The following SDHAF4 variants were observed in gnomAD, a reference collection of about 807,000 sequenced individuals.
SDHAF4 encodes succinate dehydrogenase assembly factor 4, mitochondrial.
SDHAF4 carries 14 observed loss-of-function variants against 14.3 expected under a neutral mutation model. That is an observed-to-expected ratio of 0.98 (90% CI 0.65 to 1.53). The LOEUF (loss-of-function observed/expected upper bound fraction) is 1.53. Ranked by LOEUF, SDHAF4 falls within the 40% of genes most tolerant of loss-of-function variation. The pLI is 0.00. For missense variants in SDHAF4, 141 were observed against 129.3 expected (o/e 1.09, Z -0.44); for synonymous variants, 63 against 47.3 (o/e 1.33, Z -1.36).
chr6:70,575,344 C>T (rs1377204959), intron 1 of SDHAF4, among the ~76,000 whole-genome samples: 1 of 151,912 alleles, frequency 6.6e-6, no homozygotes, highest in Non-Finnish European at 1.5e-5. Flanking sequence ...TGCCACTGCA[C>T]TCCAGCCTGG....
intron 1 of SDHAF4, among the ~76,000 whole-genome samples, chr6:70,572,665 TG>T (rs1223500445): frequency 6.6e-6 from 1 of 152,132 alleles, no homozygotes; most frequent in Non-Finnish European, 1.5e-5. Context: ...TTTTTAAACA[TG>T]CAAATGGTGC....
chr6:70,585,674 A>G (rs1416717114), intron 2 of SDHAF4, among the ~76,000 whole-genome samples: 6 of 152,256 alleles, frequency 3.9e-5, no homozygotes, highest in African/African-American at 1.2e-4. Flanking sequence ...TTCGTGGAGT[A>G]GGAAAAAGCC....
At chr6:70,582,470 G>A (rs2691496) in intron 2 of SDHAF4, among the ~76,000 whole-genome samples, 48,826 of 151,936 alleles carry the variant, frequency 0.32, 12,337 homozygotes, top group African/African-American at 0.7. Context: ...TGCCTCCTGA[G>A]TATCTTTCTT....
rs372751439 is a variant in SDHAF4 at position 70,566,937 on chromosome 6, C to A, written c.-4C>A. On this transcript the variant is annotated 5_prime_UTR_variant, in exon 1 of 3. Transcript: ENST00000370474. ...CCTGCGCGGAGGCTCGGGGAGTCGG[C>A]GCCATGACCCCATCGAGGCTTCCCT... 73 of 1,578,658 alleles carry A rather than the reference C, an allele frequency of 4.6e-5. No homozygotes were observed. The highest frequency in any genetic ancestry group is 5.7e-5 in the Non-Finnish European group (66 of 1,162,278).
At chr6:70,574,101 A>G (rs1581927035) in intron 1 of SDHAF4, among the ~76,000 whole-genome samples, 1 of 151,876 alleles carries the variant, frequency 6.6e-6, no homozygotes, top group Admixed American at 6.5e-5. Flanking sequence ...CGGGTGGGTC[A>G]CCTGAGGTCA....
chr6:70,576,131 CT>C (rs1202951397), intron 1 of SDHAF4, among the ~76,000 whole-genome samples: 3 of 152,216 alleles, frequency 2.0e-5, no homozygotes, highest in Non-Finnish European at 4.4e-5. Context: ...ACCAACACCC[CT>C]GGCAGGCTGA....
At chr6:70,597,505 A>G in the SDHAF4 span, among the ~76,000 whole-genome samples, 1 of 152,034 alleles carries the variant, frequency 6.6e-6, no homozygotes, top group Non-Finnish European at 1.5e-5. Flanking sequence ...CCATCTTAGC[A>G]TAAAGTCTGA....
downstream of SDHAF4, among the ~76,000 whole-genome samples, chr6:70,593,813 T>A (rs1301114249): frequency 6.6e-6 from 1 of 152,144 alleles, no homozygotes; most frequent in Non-Finnish European, 1.5e-5. Flanking sequence ...TGCCTCAGCC[T>A]CCTGAGTAGC....
chr6:70,575,742 AT>A (rs1747508955), intron 1 of SDHAF4, among the ~76,000 whole-genome samples: 1 of 151,902 alleles, frequency 6.6e-6, no homozygotes, highest in African/African-American at 2.4e-5. Flanking sequence ...AGAGAGAGTC[AT>A]TCTTTTGCTT....
At chr6:70,583,278 A>G (rs1765156356) in intron 2 of SDHAF4, among the ~76,000 whole-genome samples, 1 of 152,022 alleles carries the variant, frequency 6.6e-6, no homozygotes, top group Non-Finnish European at 1.5e-5. Flanking sequence ...ACACCTGGCT[A>G]ATTTTTGTAT....
intron 2 of SDHAF4, among the ~76,000 whole-genome samples, chr6:70,587,468 A>C (rs530006352): frequency 2.0e-5 from 3 of 152,334 alleles, no homozygotes; most frequent in African/African-American, 2.4e-5. Context: ...CTACTCCAGC[A>C]GGGCAACAGA....
chr6:70,580,623 C>T (rs779400871), intron 2 of SDHAF4, among the ~76,000 whole-genome samples: 18 of 152,104 alleles, frequency 1.2e-4, no homozygotes, highest in Non-Finnish European at 1.8e-4. Context: ...CATATACATC[C>T]GGTGGAAAAC....
chr6:70,592,263 G>A (rs148626536), downstream of SDHAF4, among the ~76,000 whole-genome samples: 3 of 152,210 alleles, frequency 2.0e-5, no homozygotes, highest in Non-Finnish European at 4.4e-5. Flanking sequence ...TGTGGAAGCC[G>A]CATGGGAACT....
intron 1 of SDHAF4, among the ~76,000 whole-genome samples, chr6:70,572,650 T>G (rs1204190748): frequency 6.7e-6 from 1 of 149,736 alleles, no homozygotes; most frequent in African/African-American, 2.5e-5. Context: ...TTTTCCGTGG[T>G]TTTTTTTTTA....
At chr6:70,568,825 T>C (rs1254182541) in intron 1 of SDHAF4, among the ~76,000 whole-genome samples, 1 of 152,184 alleles carries the variant, frequency 6.6e-6, no homozygotes, top group African/African-American at 2.4e-5. Flanking sequence ...CGAAACTTAA[T>C]TTTGCCTTAG....
chr6:70,570,498 T>C (rs1802165425), intron 1 of SDHAF4, among the ~76,000 whole-genome samples: 1 of 151,858 alleles, frequency 6.6e-6, no homozygotes, highest in Non-Finnish European at 1.5e-5. Flanking sequence ...AATTTTTATA[T>C]TTTTTTTAGA....
At chr6:70,577,554 T>C (rs1192623538) in intron 1 of SDHAF4, among the ~76,000 whole-genome samples, 1 of 152,190 alleles carries the variant, frequency 6.6e-6, no homozygotes, top group East Asian at 1.9e-4. Context: ...CCCAGTACAT[T>C]TTAAAATCCG....
downstream of SDHAF4, among the ~76,000 whole-genome samples, chr6:70,592,039 C>G (rs954993608): frequency 6.6e-6 from 1 of 152,214 alleles, no homozygotes; most frequent in African/African-American, 2.4e-5. Context: ...CCATGTGATG[C>G]CCTGCGCTGC....
chr6:70,584,110 C>T (rs1765171908), intron 2 of SDHAF4, among the ~76,000 whole-genome samples: 1 of 152,076 alleles, frequency 6.6e-6, no homozygotes, highest in Non-Finnish European at 1.5e-5. Context: ...ACTGCAACCT[C>T]TGCCTCGGGT....
Sources: allele counts gnomAD v4.1 joint callset (sites outside exome capture counted in the v4.1 genomes callset), GRCh38; gene constraint gnomAD v4.1.1; transcripts MANE v1.5; gene names NCBI Gene and HGNC (gene_info 2026-07-23, HGNC 2026-07-21).